TGFBR3: variants seen among roughly 807,000 people sequenced by gnomAD.
TGFBR3 encodes the protein transforming growth factor beta receptor 3.
Under a neutral mutation model 87.9 loss-of-function variants are expected in TGFBR3, and 46 were observed. That is an observed-to-expected ratio of 0.52 (90% CI 0.41 to 0.67). TGFBR3 has a LOEUF of 0.67. Ranked by LOEUF, TGFBR3 falls within the 30% of genes least tolerant of loss-of-function variation. The pLI, the probability that TGFBR3 is intolerant of heterozygous loss-of-function variation, is 0.00. For missense variants in TGFBR3, 866 were observed against 1,041.9 expected (o/e 0.83, Z 2.32); for synonymous variants, 381 against 391.6 (o/e 0.97, Z 0.32).
intron 5 of TGFBR3, among the ~76,000 whole-genome samples, 176 bp downstream of exon 5, chr1:91,734,600 A>G (rs760884469): frequency 2.6e-5 from 4 of 152,188 alleles, no homozygotes; most frequent in African/African-American, 4.8e-5. Context: ...GGAGGAAAAA[A>G]GAAGGGAGGG....
At chr1:91,694,620 G>T (rs1431441039) in intron 16 of TGFBR3, among the ~76,000 whole-genome samples, 1 of 152,206 alleles carries the variant, frequency 6.6e-6, no homozygotes, top group African/African-American at 2.4e-5. Context: ...ATATCCTTCA[G>T]TACTTCCTTC....
In TGFBR3 at chr1:91,716,624, G is replaced by C. The variant is rs150461884; in HGVS notation, c.1651C>G (p.Pro551Ala). ...GCATCTCCTTCATCCATATCTCCCG[G>C]AAATCCATTATCACCTGACTCCAGA... is the stretch of plus-strand genomic sequence containing the variant. The part of the protein sequence containing the change: ...EDLESGDNGF[P>A]GDMDEGDASL... The change falls in exon 11 of 17, where the codon CCG becomes GCG. Residue 551 changes from proline (P) to alanine (A), a missense_variant. Coordinates refer to ENST00000212355, the MANE Select transcript of TGFBR3 (RefSeq NM_003243.5). The C allele has an allele frequency of 6.2e-7, 1 of 1,614,086 alleles. No individual in the cohort carries two copies. Among genetic ancestry groups the C allele is most frequent in the Admixed American group, 1.7e-5 (1 of 60,012 alleles).
At chr1:91,755,148 A>G (rs532490447) in intron 4 of TGFBR3, 5 of 152,204 alleles carry the variant, frequency 3.3e-5, no homozygotes, top group Non-Finnish European at 5.9e-5. Context: ...AACACTTTAT[A>G]TAAAATAATT....
At chr1:91,689,161 C>T (rs2100697603) in intron 16 of TGFBR3, among the ~76,000 whole-genome samples, 1 of 152,304 alleles carries the variant, frequency 6.6e-6, no homozygotes, top group South Asian at 2.1e-4. Context: ...CCCTTCTTCT[C>T]ACCCTCCCCT....
At chr1:91,905,200 A>G (rs1679820386) in intron 1 of TGFBR3, among the ~76,000 whole-genome samples, 1 of 152,204 alleles carries the variant, frequency 6.6e-6, no homozygotes, top group Non-Finnish European at 1.5e-5. Flanking sequence ...TTGGAAATGT[A>G]GGTGATTAAG....
At chr1:91,862,496 G>A (rs982918080) in intron 1 of TGFBR3, among the ~76,000 whole-genome samples, 3 of 152,194 alleles carry the variant, frequency 2.0e-5, no homozygotes, top group African/African-American at 7.2e-5. Flanking sequence ...CAGCCCATCT[G>A]AGACTATCTG....
chr1:91,756,166 T>C (rs1278884887), intron 4 of TGFBR3, among the ~76,000 whole-genome samples: 3 of 152,158 alleles, frequency 2.0e-5, no homozygotes, highest in East Asian at 3.9e-4. Flanking sequence ...TAGCCTCACA[T>C]AGCTACTAAG....
chr1:91,779,025 G>A (rs552124010), intron 3 of TGFBR3, among the ~76,000 whole-genome samples: 24 of 152,164 alleles, frequency 1.6e-4, no homozygotes, highest in Non-Finnish European at 2.8e-4. Context: ...CAGGAGGCAA[G>A]ATGTCAGGGC....
intron 2 of TGFBR3, among the ~76,000 whole-genome samples, chr1:91,803,938 C>T (rs1366589527): frequency 1.3e-5 from 2 of 152,192 alleles, no homozygotes; most frequent in African/African-American, 2.4e-5. Flanking sequence ...CATCTACATG[C>T]TCCCAAAGAC....
rs902596823 is a variant in TGFBR3 at position 91,683,698 on chromosome 1, G to C, written c.*41C>G. ...CTGCCCTTGGCAGTAGCTGAGCTGA[G>C]CTGGGCTGGGCTGGGTTGGGCCGGG... On this transcript the variant is annotated 3_prime_UTR_variant, in exon 17 of 17. Coordinates refer to ENST00000212355, the MANE Select transcript of TGFBR3 (RefSeq NM_003243.5). 5.4e-6 allele frequency: 8 copies of C among 1,493,696 alleles called. No individual in the cohort carries two copies. The highest frequency in any genetic ancestry group is 1.4e-5 in the African/African-American group (1 of 72,204). 92.5% of individuals were successfully genotyped at this position (1,493,696 alleles called of 1,614,324 possible). A position where few individuals can be genotyped will look rare whatever the true frequency, so the allele number is the denominator to read the frequency against.
At chr1:91,751,926 C>T (rs954455328) in intron 4 of TGFBR3, among the ~76,000 whole-genome samples, 5 of 152,126 alleles carry the variant, frequency 3.3e-5, no homozygotes, top group Non-Finnish European at 7.3e-5. Flanking sequence ...ATCTAGCAGT[C>T]GTACTATCAA....
At chr1:91,797,250 C>G (rs376728929) in intron 3 of TGFBR3, 37 bp downstream of exon 3, 1 of 1,608,684 alleles carries the variant, frequency 6.2e-7, no homozygotes, top group Non-Finnish European at 8.5e-7. Context: ...TCTGCAGACT[C>G]AGTGGCAGTG....
At chr1:91,702,320 C>T (rs1401413369) in intron 14 of TGFBR3, among the ~76,000 whole-genome samples, 1 of 152,292 alleles carries the variant, frequency 6.6e-6, no homozygotes, top group East Asian at 1.9e-4. Flanking sequence ...CCCAGCAATG[C>T]AACCTTCACA....
chr1:91,840,319 C>CAA (rs1165318811), intron 2 of TGFBR3, among the ~76,000 whole-genome samples: 1 of 100,942 alleles, frequency 9.9e-6, no homozygotes. Flanking sequence ...AAGACTCTGT[C>CAA]AAAAAAAAAA....
At chr1:91,779,051 G>A (rs1674674460) in intron 3 of TGFBR3, among the ~76,000 whole-genome samples, 1 of 152,122 alleles carries the variant, frequency 6.6e-6, no homozygotes, top group Non-Finnish European at 1.5e-5. Flanking sequence ...GCAGCACAGT[G>A]AGCAATGGTG....
chr1:91,770,359 G>A (rs1157426989), intron 3 of TGFBR3, among the ~76,000 whole-genome samples: 1 of 151,742 alleles, frequency 6.6e-6, no homozygotes, highest in Non-Finnish European at 1.5e-5. Flanking sequence ...AACACCAATT[G>A]AAAAAAATCA....
chr1:91,849,140 T>G (rs1571570126), intron 2 of TGFBR3, among the ~76,000 whole-genome samples: 1 of 152,130 alleles, frequency 6.6e-6, no homozygotes. Flanking sequence ...CATTTTCTCT[T>G]GCCAGTATCT....
intron 1 of TGFBR3, among the ~76,000 whole-genome samples, chr1:91,882,040 AAAAT>A (rs61260637): frequency 1.2e-4 from 18 of 146,348 alleles, no homozygotes; most frequent in Non-Finnish European, 2.5e-4. Flanking sequence ...CTTTGTCTCA[AAAAT>A]AAATAAATAA....
chr1:91,720,253 C>T (rs751415492), intron 8 of TGFBR3, 23 bp from the exon 9 acceptor site: 2 of 1,559,952 alleles, frequency 1.3e-6, no homozygotes, highest in East Asian at 2.4e-5. Context: ...GAAGGCAAAA[C>T]ATCAGCAGTG....
Sources: allele counts gnomAD v4.1 joint callset (sites outside exome capture counted in the v4.1 genomes callset), GRCh38; gene constraint gnomAD v4.1.1; transcripts MANE v1.5; gene names NCBI Gene and HGNC (gene_info 2026-07-23, HGNC 2026-07-21).